Variants in SYBU observed in about 807,000 individuals in gnomAD.
SYBU encodes syntabulin, also known as GOLSYN A protein.
SYBU carries 21 observed loss-of-function variants against 35.9 expected under a neutral mutation model. The ratio of observed to expected loss-of-function variants is 0.58; its 90% CI spans 0.41 to 0.84. The LOEUF (loss-of-function observed/expected upper bound fraction) is 0.84. Among genes scored for constraint, SYBU ranks in the 40% least tolerant of loss-of-function variants. The pLI, the probability that SYBU is intolerant of heterozygous loss-of-function variation, is 0.00. For missense variants in SYBU, 768 were observed against 848.2 expected, an observed-to-expected ratio of 0.91 and a Z score of 1.17; for synonymous variants, 319 against 324.3, an observed-to-expected ratio of 0.98 and a Z score of 0.18.
intron 3 of SYBU, among the ~76,000 whole-genome samples, chr8:109,594,290 T>C (rs1308165997): frequency 6.6e-6 from 1 of 152,080 alleles, no homozygotes; most frequent in Non-Finnish European, 1.5e-5. Flanking sequence ...AGGGCTAGGA[T>C]TTAAGTCTAT....
At chr8:109,636,248 G>C (rs1814217044) in intron 2 of SYBU, among the ~76,000 whole-genome samples, 1 of 151,996 alleles carries the variant, frequency 6.6e-6, no homozygotes, top group South Asian at 2.1e-4. Flanking sequence ...TTCTTCCTTG[G>C]GCTTATGAAA....
At chr8:109,593,387 G>A (rs145863727) in intron 3 of SYBU, among the ~76,000 whole-genome samples, 2 of 152,288 alleles carry the variant, frequency 1.3e-5, no homozygotes, top group East Asian at 1.9e-4. Context: ...TCTACAGAAT[G>A]ATCTGTACCC....
At chr8:109,630,807 G>C (rs1813532746) in intron 2 of SYBU, among the ~76,000 whole-genome samples, 2 of 152,148 alleles carry the variant, frequency 1.3e-5, no homozygotes, top group Non-Finnish European at 2.9e-5. Flanking sequence ...AGTGAGCCTG[G>C]GGCCCAGGGG....
intron 2 of SYBU, among the ~76,000 whole-genome samples, chr8:109,631,007 G>A (rs34147744): frequency 0.14 from 21,228 of 152,110 alleles, 1,781 homozygotes; most frequent in East Asian, 0.36. Flanking sequence ...CAATTATGTT[G>A]AATGCTGCTG....
Position 109,672,158 on chromosome 8 carries a change from C to A in SYBU, c.-129+8553G>T, listed in dbSNP as rs182828223. Among the ~76,000 whole-genome samples the A allele has an allele frequency of 1.6e-4, 24 of 152,274 alleles. No individual in the cohort carries two copies. In the South Asian group the frequency reaches 1.7e-3, roughly 11 times the overall value. On this transcript the variant is annotated intron_variant, in intron 1 of 5. Coordinates refer to the SYBU transcript ENST00000408889. ...TCAGGTGATCCACCTGGTTTGGCCT[C>A]CCGAAGTGCTGGGATTACAGGTGTG...
chr8:109,650,177 C>G (rs1816063713), intron 1 of SYBU, among the ~76,000 whole-genome samples: 1 of 152,112 alleles, frequency 6.6e-6, no homozygotes, highest in South Asian at 2.1e-4. Context: ...GGGGTTCACT[C>G]AGCATCCATA....
intron 3 of SYBU, among the ~76,000 whole-genome samples, chr8:109,612,179 G>A (rs1440040648): frequency 1.3e-5 from 2 of 152,098 alleles, no homozygotes; most frequent in Admixed American, 6.5e-5. Flanking sequence ...TAAAATGAAG[G>A]ATAATGATAT....
chr8:109,597,256 G>A (rs1464505203), intron 3 of SYBU, among the ~76,000 whole-genome samples: 1 of 152,196 alleles, frequency 6.6e-6, no homozygotes, highest in African/African-American at 2.4e-5. Context: ...CCCAAAGTGG[G>A]GAGGAAGAGT....
At chr8:109,651,991 T>TCACTCATTCATTCATC (rs1176606150) in intron 1 of SYBU, among the ~76,000 whole-genome samples, 1 of 152,228 alleles carries the variant, frequency 6.6e-6, no homozygotes, top group African/African-American at 2.4e-5. Context: ...ACTCATTCAT[T>TCACTCATTCATTCATC]CATTCATTCA....
Position 109,574,511 on chromosome 8 carries a change from C to G in SYBU, c.*395G>C, listed in dbSNP as rs1168646693. 1 of 166,580 alleles carries G rather than the reference C, an allele frequency of 6.0e-6. No homozygotes were observed. The highest frequency in any genetic ancestry group is 1.3e-5 in the Non-Finnish European group (1 of 77,752). The allele number at this position is 166,580 out of a possible 1,614,324, so 10.3% of individuals were successfully genotyped here. A position where few individuals can be genotyped will look rare whatever the true frequency, so the allele number is the denominator to read the frequency against. ...TTACAGTCCCCTGCTATGCACAAGA[C>G]CATTGGAATGCTGGAACAATTACAC... is the stretch of plus-strand genomic sequence containing the variant. On this transcript the variant is annotated 3_prime_UTR_variant, in exon 7 of 7. Transcript: ENST00000276646.
rs75352215 is a variant in SYBU, at chr8:109,623,320, C to T, written c.230-4281G>A. On this transcript the variant is annotated intron_variant, in intron 2 of 6. Transcript: ENST00000276646. ...CTTCTAAGTGAAGGAGACTAATTTA[C>T]ATGTCCTCCTTGATTTTATTAGAAA... Among the ~76,000 whole-genome samples the T allele has an allele frequency of 2.6e-3, 394 of 152,304 alleles. 11 individuals carry two copies. In the East Asian group the frequency reaches 0.055, roughly 21 times the overall value.
intron 4 of SYBU, among the ~76,000 whole-genome samples, chr8:109,581,684 A>C (rs1239275834): frequency 6.6e-6 from 1 of 152,208 alleles, no homozygotes. Flanking sequence ...AGCTGTATCC[A>C]ACTGACATCT....
intron 1 of SYBU, among the ~76,000 whole-genome samples, chr8:109,663,258 CAGATAGATAGATAGAT>C (rs67666534): frequency 4.4e-4 from 65 of 149,148 alleles, no homozygotes; most frequent in African/African-American, 1.3e-3. Flanking sequence ...AAAATACATA[CAGATAGATAGATAGAT>C]AGATAGATAG....
At chr8:109,675,562 CA>C (rs1312884180) in intron 1 of SYBU, among the ~76,000 whole-genome samples, 5 of 152,186 alleles carry the variant, frequency 3.3e-5, no homozygotes, top group Non-Finnish European at 5.9e-5. Context: ...TTCCTGGACA[CA>C]TACACCCTCC....
chr8:109,672,621 G>A (rs558879612), intron 1 of SYBU, among the ~76,000 whole-genome samples: 1 of 152,316 alleles, frequency 6.6e-6, no homozygotes, highest in South Asian at 2.1e-4. Flanking sequence ...GGGAGACAGC[G>A]AGCTAGCTGA....
At chr8:109,586,200 G>A (rs1332032608) in intron 3 of SYBU, 38 bp from the exon 4 acceptor site, 2 of 1,475,410 alleles carry the variant, frequency 1.4e-6, no homozygotes, top group Non-Finnish European at 1.9e-6. Context: ...GTGAGGGAAA[G>A]GAAACTAGAG....
chr8:109,646,312 T>G (rs936591680), upstream of SYBU: 3 of 152,192 alleles, frequency 2.0e-5, no homozygotes, highest in African/African-American at 7.2e-5. Flanking sequence ...CTTTCATCCA[T>G]CCTCCAAACA....
At chr8:109,613,132 CCTGT>C (rs1345552722) in intron 3 of SYBU, among the ~76,000 whole-genome samples, 3 of 152,128 alleles carry the variant, frequency 2.0e-5, no homozygotes, top group African/African-American at 7.2e-5. Context: ...AACTCATACT[CCTGT>C]CTGTCCTCCT....
At chr8:109,651,623 T>C (rs10098728) in intron 1 of SYBU, among the ~76,000 whole-genome samples, 18,801 of 152,042 alleles carry the variant, frequency 0.12, 3,265 homozygotes, top group African/African-American at 0.39. Context: ...CATTTTCACA[T>C]CTAGAAAATA....
Sources: allele counts gnomAD v4.1 joint callset (sites outside exome capture counted in the v4.1 genomes callset), GRCh38; gene constraint gnomAD v4.1.1; transcripts MANE v1.5; gene names NCBI Gene and HGNC (gene_info 2026-07-23, HGNC 2026-07-21).